Variants in ARHGAP32 observed in about 807,000 individuals in gnomAD.
ARHGAP32 encodes the protein rho GTPase-activating protein 32.
A neutral mutation model predicts 186.5 loss-of-function variants in ARHGAP32; 51 were observed. That is an observed-to-expected ratio of 0.27 (90% CI 0.22 to 0.35). The LOEUF is 0.35. Among genes scored for constraint, ARHGAP32 ranks in the 10% least tolerant of loss-of-function variants. ARHGAP32 has a pLI of 1.00. For missense variants in ARHGAP32, 2,186 were observed against 2,623.5 expected, an observed-to-expected ratio of 0.83 and a Z score of 3.64; for synonymous variants, 950 against 964.3, an observed-to-expected ratio of 0.99 and a Z score of 0.27.
intron 8 of ARHGAP32, 82 bp from the exon 9 acceptor site, chr11:129,064,106 T>G: frequency 7.5e-7 from 1 of 1,332,190 alleles, no homozygotes; most frequent in South Asian, 1.7e-5. Context: ...GAAATTCATT[T>G]TAATTTAGAG....
chr11:129,220,837 T>TAAA, intron 1 of ARHGAP32, among the ~76,000 whole-genome samples: 1 of 152,302 alleles, frequency 6.6e-6, no homozygotes, highest in South Asian at 2.1e-4. Context: ...TATTCATTTT[T>TAAA]ACAACTATTT....
chr11:129,062,961 A>C (rs1313148542), intron 9 of ARHGAP32, among the ~76,000 whole-genome samples: 1 of 152,194 alleles, frequency 6.6e-6, no homozygotes. Context: ...TCACTGTAAA[A>C]GAAAAACTAC....
chr11:129,203,623 G>T (rs990130223), intron 1 of ARHGAP32, among the ~76,000 whole-genome samples: 1 of 148,786 alleles, frequency 6.7e-6, no homozygotes, highest in Admixed American at 6.9e-5. Context: ...AGGTGTGGTG[G>T]TTTACCCTGC....
chr11:129,030,820 A>G (rs1939081264), intron 11 of ARHGAP32, among the ~76,000 whole-genome samples: 1 of 152,150 alleles, frequency 6.6e-6, no homozygotes, highest in Non-Finnish European at 1.5e-5. Flanking sequence ...GCCTAGCAGG[A>G]GGTGTTTTGG....
chr11:129,247,839 G>A (rs1396128632), intron 1 of ARHGAP32, among the ~76,000 whole-genome samples: 1 of 152,136 alleles, frequency 6.6e-6, no homozygotes, highest in South Asian at 2.1e-4. Flanking sequence ...GCAATGGGCT[G>A]ATCCCTCTAT....
chr11:129,062,527 T>C (rs1055141553), intron 9 of ARHGAP32, among the ~76,000 whole-genome samples, 170 bp from the exon 10 acceptor site: 1 of 152,220 alleles, frequency 6.6e-6, no homozygotes, highest in Non-Finnish European at 1.5e-5. Context: ...AATTATCTTA[T>C]GATTTGTTAA....
rs141030632 is a variant in ARHGAP32, at chr11:128,970,006, T to C, written c.5207A>G (p.Asn1736Ser). ...RANVTGYFSPNDHNVVSMPPA... is the reference protein window; with the variant it reads ...RANVTGYFSPSDHNVVSMPPA... ...AGGCATGCTGACTACATTATGGTCG[T>C]TGGGAGAGAAATAGCCAGTCACGTT... The change falls in exon 23 of 23, where the codon AAC becomes AGC. Residue 1736 changes from asparagine to serine, a missense_variant. Physicochemically the swap from Asn to Ser is conservative, Grantham distance 46. Around this residue, in one of 5 missense-constraint regions of ARHGAP32, gnomAD observed 1,502 missense variants for 1,570.0 expected, o/e 0.96. Coordinates refer to ENST00000682385, the MANE Select transcript of ARHGAP32 (RefSeq NM_001378024.1). This position sits in a 1 kb window ranked among gnomAD's most constrained non-coding sequence, Gnocchi z 5.8. 3,012 of 1,614,078 alleles carry C rather than the reference T, an allele frequency of 1.9e-3. 4 individuals carry two copies. Among genetic ancestry groups the C allele is most frequent in the Non-Finnish European group, 2.3e-3 (2,756 of 1,180,024 alleles).
chr11:129,211,942 T>G (rs936973039), intron 1 of ARHGAP32, among the ~76,000 whole-genome samples: 2 of 151,912 alleles, frequency 1.3e-5, no homozygotes, highest in African/African-American at 4.8e-5. Context: ...ATCACTTGAG[T>G]CCAGGAGTTT....
chr11:129,005,024 T>C (rs1162948056), intron 11 of ARHGAP32, among the ~76,000 whole-genome samples: 1 of 152,146 alleles, frequency 6.6e-6, no homozygotes, highest in Non-Finnish European at 1.5e-5. Context: ...ACTTTCTACT[T>C]TTTGTGTATG....
Position 129,068,186 on chromosome 11 carries a change from CT to C in ARHGAP32, c.532-1319del, listed in dbSNP as rs1310528149. 2.0e-5 allele frequency among the ~76,000 whole-genome samples: 3 copies of C among 152,044 alleles called. No individual in the cohort carries two copies. In the East Asian group the frequency reaches 5.8e-4, roughly 29 times the overall value. ...CCCAAACTATCCCCACATTTCACAG[CT>C]TTTATCATCTGGGCCCTGTCTAAAT... On this transcript the variant is annotated intron_variant, in intron 6 of 22. Coordinates refer to ENST00000682385, the MANE Select transcript of ARHGAP32 (RefSeq NM_001378024.1).
Position 129,192,076 on chromosome 11 carries a change from T to A in ARHGAP32, c.116+7A>T. The A allele has an allele frequency of 6.2e-7, 1 of 1,603,814 alleles. No individual in the cohort carries two copies. Among genetic ancestry groups the A allele is most frequent in the Non-Finnish European group, 8.5e-7 (1 of 1,170,958 alleles). On this transcript the variant is annotated splice_region_variant and intron_variant, in intron 1 of 22. Coordinates refer to ENST00000682385, the MANE Select transcript of ARHGAP32 (RefSeq NM_001378024.1). ...CAGGACAAAGGAACTGTGAATTCCATAATCACCTGAACTTCTCTTCCCTTT... is the reference window on the plus strand; with the variant it reads ...CAGGACAAAGGAACTGTGAATTCCAAAATCACCTGAACTTCTCTTCCCTTT...
At chr11:129,089,255 TAAAC>T (rs1224213620) in intron 6 of ARHGAP32, among the ~76,000 whole-genome samples, 1 of 152,204 alleles carries the variant, frequency 6.6e-6, no homozygotes, top group African/African-American at 2.4e-5. Context: ...ACAGAAATGA[TAAAC>T]AATAAACCTT....
chr11:129,176,839 G>C (rs1013694031), intron 1 of ARHGAP32, among the ~76,000 whole-genome samples: 1 of 152,090 alleles, frequency 6.6e-6, no homozygotes, highest in Admixed American at 6.6e-5. Context: ...AAGCAGGAAA[G>C]ATCCAACATC....
At chr11:129,100,614 C>G (rs1941866667) in intron 5 of ARHGAP32, among the ~76,000 whole-genome samples, 2 of 152,154 alleles carry the variant, frequency 1.3e-5, no homozygotes, top group Non-Finnish European at 2.9e-5. Context: ...TGCCGACCAC[C>G]ACTGTAGACG....
chr11:129,066,223 C>A (rs1940683855), intron 7 of ARHGAP32, among the ~76,000 whole-genome samples: 1 of 152,058 alleles, frequency 6.6e-6, no homozygotes, highest in African/African-American at 2.4e-5. Flanking sequence ...TCCCCATAAA[C>A]CTTATCCCAT....
At chr11:129,093,827 C>T in intron 5 of ARHGAP32, 120 bp from the exon 6 acceptor site, 2 of 684,292 alleles carry the variant, frequency 2.9e-6, no homozygotes, top group East Asian at 5.4e-5. Context: ...TAATGTGAGA[C>T]ATATCTTATA....
At chr11:129,185,447 T>C (rs1308386375) in intron 1 of ARHGAP32, among the ~76,000 whole-genome samples, 1 of 152,126 alleles carries the variant, frequency 6.6e-6, no homozygotes, top group Non-Finnish European at 1.5e-5. Context: ...CACCAGGGAC[T>C]GTTGTGGGGT....
intron 5 of ARHGAP32, among the ~76,000 whole-genome samples, chr11:129,095,295 TAGAC>T (rs1291859638): frequency 6.6e-6 from 1 of 152,166 alleles, no homozygotes; most frequent in Non-Finnish European, 1.5e-5. Flanking sequence ...GAATCTATGT[TAGAC>T]AGGGTAAGGA....
At chr11:129,108,548 T>C (rs769494554) in intron 5 of ARHGAP32, among the ~76,000 whole-genome samples, 1 of 152,294 alleles carries the variant, frequency 6.6e-6, no homozygotes, top group South Asian at 2.1e-4. Context: ...GAGTTCAATA[T>C]GACCTTTCGA....
Sources: gnomAD v4.1 joint callset for allele counts (sites outside exome capture counted in the v4.1 genomes callset) on GRCh38, gnomAD v4.1.1 for gene constraint, gnomAD v4.1.1 regional missense constraint, Gnocchi (gnomAD v3.1) non-coding constraint, MANE v1.5 for transcripts, NCBI Gene and HGNC (gene_info 2026-07-23, HGNC 2026-07-21) for gene names.